Variants in VAMP4 observed in about 807,000 individuals in gnomAD.
The protein encoded by VAMP4 is vesicle-associated membrane protein 4.
A neutral mutation model predicts 23.5 loss-of-function variants in VAMP4; 19 were observed. The ratio of observed to expected loss-of-function variants is 0.81; its 90% CI spans 0.56 to 1.19. The LOEUF (loss-of-function observed/expected upper bound fraction) is 1.19, where lower values mean the gene tolerates loss of function less well. Ranked by LOEUF, VAMP4 falls within the 50% of genes most tolerant of loss-of-function variation. VAMP4 has a pLI of 0.00. For missense variants in VAMP4, 145 were observed against 168.6 expected, an observed-to-expected ratio of 0.86 and a Z score of 0.78; for synonymous variants, 31 against 51.0, an observed-to-expected ratio of 0.61 and a Z score of 1.67.
At chr1:171,728,175 C>A (rs745807864) in intron 3 of VAMP4, among the ~76,000 whole-genome samples, 1 of 152,180 alleles carries the variant, frequency 6.6e-6, no homozygotes, top group Non-Finnish European at 1.5e-5. Context: ...CCTCACATTG[C>A]CCCGCTTTGT....
At chr1:171,736,604 G>C (rs1655748380) in intron 2 of VAMP4, among the ~76,000 whole-genome samples, 1 of 152,056 alleles carries the variant, frequency 6.6e-6, no homozygotes, top group Non-Finnish European at 1.5e-5. Flanking sequence ...ATTAGTAAAA[G>C]CTTGCTAGCA....
At chr1:171,723,268 A>G (rs996419496) in intron 3 of VAMP4, among the ~76,000 whole-genome samples, 2 of 152,194 alleles carry the variant, frequency 1.3e-5, no homozygotes, top group Non-Finnish European at 2.9e-5. Flanking sequence ...TCGGGCACGC[A>G]CTGTCATTGA....
chr1:171,719,084 G>A (rs1250624360), intron 4 of VAMP4, 87 bp downstream of exon 4: 20 of 1,164,796 alleles, frequency 1.7e-5, no homozygotes, highest in Middle Eastern at 2.2e-4. Flanking sequence ...ACAGGCTGCA[G>A]CCAGATTTGG....
At chr1:171,704,580 A>G in intron 7 of VAMP4, 46 bp from the exon 8 acceptor site, 1 of 1,419,364 alleles carries the variant, frequency 7.0e-7, no homozygotes, top group Non-Finnish European at 9.6e-7. Flanking sequence ...CATCAGATAT[A>G]TATGCTATGT....
At chr1:171,709,439 T>TA (rs1654773800) in intron 6 of VAMP4, among the ~76,000 whole-genome samples, 1 of 152,184 alleles carries the variant, frequency 6.6e-6, no homozygotes, top group Non-Finnish European at 1.5e-5. Context: ...TTACTTTCAT[T>TA]AAAAAAATCT....
chr1:171,728,440 G>A (rs1244862653), intron 3 of VAMP4, 84 bp downstream of exon 3: 2 of 1,169,586 alleles, frequency 1.7e-6, no homozygotes, highest in Non-Finnish European at 2.4e-6. Context: ...CTGCATATCT[G>A]TCAAAATGTA....
chr1:171,719,447 C>A (rs1176493353), intron 3 of VAMP4, among the ~76,000 whole-genome samples: 1 of 152,064 alleles, frequency 6.6e-6, no homozygotes, highest in African/African-American at 2.4e-5. Context: ...TAAGCTAATT[C>A]TTCTGCATGT....
At chr1:171,718,624 T>A (rs1436066311) in intron 4 of VAMP4, among the ~76,000 whole-genome samples, 2 of 152,296 alleles carry the variant, frequency 1.3e-5, no homozygotes, top group Admixed American at 6.5e-5. Flanking sequence ...ATAAGAGATA[T>A]GAAAAAATTC....
chr1:171,738,013 T>C (rs749672454), intron 2 of VAMP4, among the ~76,000 whole-genome samples: 1 of 152,246 alleles, frequency 6.6e-6, no homozygotes, highest in Non-Finnish European at 1.5e-5. Context: ...TCTTGCTCTG[T>C]TGCTCAGGCT....
At chr1:171,724,479 A>T (rs1325896566) in intron 3 of VAMP4, among the ~76,000 whole-genome samples, 1 of 152,194 alleles carries the variant, frequency 6.6e-6, no homozygotes, top group African/African-American at 2.4e-5. Context: ...TAATAATAAA[A>T]AATAAAAGAA....
intron 3 of VAMP4, among the ~76,000 whole-genome samples, chr1:171,725,758 T>C (rs148283477): frequency 2.0e-5 from 3 of 152,234 alleles, no homozygotes; most frequent in Non-Finnish European, 2.9e-5. Flanking sequence ...TGGCGTGATC[T>C]TGGCTCACTG....
chr1:171,703,494 ACTC>A lies in VAMP4; in HGVS notation c.*1009_*1011del, dbSNP rs1230803141. The A allele has an allele frequency of 7.7e-6, 1 of 130,584 alleles. No homozygotes were observed. The highest frequency in any genetic ancestry group is 2.9e-5 in the African/African-American group (1 of 34,374). The allele number at this position is 130,584 out of a possible 1,614,324, so 8.1% of individuals were successfully genotyped here. A position where few individuals can be genotyped will look rare whatever the true frequency, so the allele number is the denominator to read the frequency against. On this transcript the variant is annotated 3_prime_UTR_variant, in exon 8 of 8. Coordinates refer to ENST00000236192, the MANE Select transcript of VAMP4 (RefSeq NM_003762.5). ...ACACATAGGTTCCTGACTTTCTACTACTCATTACTGTTGGCTGATGCAAAATTT... is the reference window on the plus strand; with the variant it reads ...ACACATAGGTTCCTGACTTTCTACTAATTACTGTTGGCTGATGCAAAATTT...
At chr1:171,730,402 A>G (rs1429684241) in intron 2 of VAMP4, among the ~76,000 whole-genome samples, 4 of 152,236 alleles carry the variant, frequency 2.6e-5, no homozygotes, top group Non-Finnish European at 5.9e-5. Flanking sequence ...GTGACTGTAA[A>G]CAATAAGTTA....
chr1:171,741,727 G>A (rs1655929480), intron 1 of VAMP4, among the ~76,000 whole-genome samples, 183 bp downstream of exon 1: 1 of 151,758 alleles, frequency 6.6e-6, no homozygotes, highest in African/African-American at 2.4e-5. Flanking sequence ...CCCTGTCCTC[G>A]TCTTCCTTCC....
At position 171,700,528 on chromosome 1, in the gene VAMP4, T is replaced by C. The variant is rs1654393462; in HGVS notation, c.*3978A>G. 1 of 152,234 alleles carries C rather than the reference T, an allele frequency of 6.6e-6. No homozygotes were observed. The highest frequency in any genetic ancestry group is 2.1e-4 in the South Asian group (1 of 4,838). The allele number at this position is 152,234 out of a possible 1,614,324, so 9.4% of individuals were successfully genotyped here. A position where few individuals can be genotyped will look rare whatever the true frequency, so the allele number is the denominator to read the frequency against. ...GGCTTTAAAATATTGGATACTTTGATTTTAAGACTACTTTAAATGAAAAGA... is the reference window on the plus strand; with the variant it reads ...GGCTTTAAAATATTGGATACTTTGACTTTAAGACTACTTTAAATGAAAAGA... On this transcript the variant is annotated 3_prime_UTR_variant, in exon 8 of 8. Transcript: ENST00000236192.
At chr1:171,733,964 G>A (rs139060436) in intron 2 of VAMP4, among the ~76,000 whole-genome samples, 114 of 152,250 alleles carry the variant, frequency 7.5e-4, no homozygotes, top group Middle Eastern at 3.4e-3. Context: ...AACCAAATGT[G>A]TTATATCAAT....
At chr1:171,730,704 T>G in intron 2 of VAMP4, among the ~76,000 whole-genome samples, 1 of 124,478 alleles carries the variant, frequency 8.0e-6, no homozygotes, top group African/African-American at 3.0e-5. Context: ...GGGAAGGGAG[T>G]AAAGTATCTA....
At chr1:171,727,943 G>A (rs1358130312) in intron 3 of VAMP4, among the ~76,000 whole-genome samples, 2 of 152,142 alleles carry the variant, frequency 1.3e-5, no homozygotes, top group Non-Finnish European at 2.9e-5. Context: ...GATTATCAAG[G>A]GTTATGAGGA....
At chr1:171,712,428 A>T (rs1011393385) in intron 4 of VAMP4, among the ~76,000 whole-genome samples, 7 of 152,164 alleles carry the variant, frequency 4.6e-5, no homozygotes, top group African/African-American at 1.4e-4. Flanking sequence ...ACTTAGACAT[A>T]GGTGGATTCA....
Sources: allele counts gnomAD v4.1 joint callset (sites outside exome capture counted in the v4.1 genomes callset), GRCh38; gene constraint gnomAD v4.1.1; transcripts MANE v1.5; gene names NCBI Gene and HGNC (gene_info 2026-07-23, HGNC 2026-07-21).